The following ZHX2 variants were observed in gnomAD, a reference collection of about 807,000 sequenced individuals.
ZHX2 encodes the protein zinc fingers and homeoboxes protein 2.
A neutral mutation model predicts 21.9 loss-of-function variants in ZHX2; 6 were observed. The ratio of observed to expected loss-of-function variants is 0.27; its 90% CI spans 0.15 to 0.54. ZHX2 has a LOEUF of 0.54. Among genes scored for constraint, ZHX2 ranks in the 20% least tolerant of loss-of-function variants. The probability of loss-of-function intolerance (pLI) is 0.95; values close to 1 mark genes in which losing one functional copy is unlikely to be tolerated. For synonymous variants in ZHX2, 434 were observed against 437.1 expected (o/e 0.99, Z 0.09); for missense variants, 908 against 1,090.7 (o/e 0.83, Z 2.36).
chr8:122,928,510 G>C (rs1820908897), intron 2 of ZHX2, among the ~76,000 whole-genome samples: 2 of 152,122 alleles, frequency 1.3e-5, no homozygotes, highest in Admixed American at 6.5e-5. Flanking sequence ...TGAAAATGGG[G>C]AACCAGCATG....
At chr8:122,858,218 G>A (rs747468086) in intron 1 of ZHX2, among the ~76,000 whole-genome samples, 18 of 152,154 alleles carry the variant, frequency 1.2e-4, no homozygotes, top group Non-Finnish European at 1.6e-4. Context: ...CTGCACTCAC[G>A]CCTCTCCCTC....
chr8:122,835,500 G>A lies in ZHX2; in HGVS notation c.-282-27977G>A, dbSNP rs984908330. Among the ~76,000 whole-genome samples, 9 of 152,196 alleles carry A rather than the reference G, an allele frequency of 5.9e-5. No individual in the cohort carries two copies. In the South Asian group the frequency reaches 8.3e-4, roughly 14 times the overall value. Reference sequence around the variant, plus strand: ...CAATACTAGAATTGTCCTGAGTAGGGGACGGTGTAGGAAAAGAAGTGGATA... The same window carrying A: ...CAATACTAGAATTGTCCTGAGTAGGAGACGGTGTAGGAAAAGAAGTGGATA... On this transcript the variant is annotated intron_variant, in intron 1 of 3. Coordinates refer to ENST00000314393, the MANE Select transcript of ZHX2 (RefSeq NM_014943.5).
At chr8:122,955,122 C>A (rs1813265710) in intron 3 of ZHX2, among the ~76,000 whole-genome samples, 1 of 148,920 alleles carries the variant, frequency 6.7e-6, no homozygotes, top group Admixed American at 6.7e-5. Flanking sequence ...GCCATGTCAT[C>A]CCCATAATGG....
chr8:122,909,343 GA>G lies in ZHX2; in HGVS notation c.-219-41947del, dbSNP rs753235976. On this transcript the variant is annotated intron_variant, in intron 2 of 3. Transcript: ENST00000314393. ...AGCTACTAAGGAGGCTGAGGCAGGAGAATGGCTTGAACCCAGGAGGTGGAGG... is the reference window on the plus strand; with the variant it reads ...AGCTACTAAGGAGGCTGAGGCAGGAGATGGCTTGAACCCAGGAGGTGGAGG... Among the ~76,000 whole-genome samples the G allele has an allele frequency of 1.8e-4, 28 of 151,930 alleles. No homozygotes were observed. The East Asian group carries it at 2.5e-3, about 14-fold the overall frequency.
At chr8:122,937,445 C>T (rs1031848699) in intron 2 of ZHX2, among the ~76,000 whole-genome samples, 7 of 152,292 alleles carry the variant, frequency 4.6e-5, no homozygotes, top group Non-Finnish European at 7.3e-5. Context: ...CACTCCTTCC[C>T]CCAGTGGTGA....
At chr8:122,902,217 T>C (rs770340337) in intron 2 of ZHX2, among the ~76,000 whole-genome samples, 2 of 152,186 alleles carry the variant, frequency 1.3e-5, no homozygotes, top group Non-Finnish European at 2.9e-5. Context: ...CCTTACTCTG[T>C]GCTAGGTACT....
intron 1 of ZHX2, among the ~76,000 whole-genome samples, chr8:122,841,649 A>T (rs1818631010): frequency 6.6e-6 from 1 of 152,132 alleles, no homozygotes. Flanking sequence ...GATTGCTTTG[A>T]GGGTGTTTCA....
chr8:122,789,474 C>G (rs140261251), intron 1 of ZHX2, among the ~76,000 whole-genome samples: 4 of 152,204 alleles, frequency 2.6e-5, no homozygotes, highest in Non-Finnish European at 5.9e-5. Context: ...GCATGGCACC[C>G]TGTCTTTTTG....
chr8:122,814,388 A>G (rs985980007), intron 1 of ZHX2, among the ~76,000 whole-genome samples: 2 of 152,184 alleles, frequency 1.3e-5, no homozygotes, highest in South Asian at 4.1e-4. Context: ...GAAAAAGCAC[A>G]TATTGGTCCT....
chr8:122,907,756 CA>C (rs1001506618), intron 2 of ZHX2, among the ~76,000 whole-genome samples: 20 of 152,266 alleles, frequency 1.3e-4, no homozygotes, highest in African/African-American at 4.8e-4. Flanking sequence ...ACTGCCTCAT[CA>C]GAGCATTGTG....
chr8:122,872,830 G>A (rs967717489), intron 2 of ZHX2, among the ~76,000 whole-genome samples: 16 of 152,180 alleles, frequency 1.1e-4, no homozygotes, highest in African/African-American at 7.2e-5. Context: ...TGCAGGCGTC[G>A]TGTCTCTCCA....
At chr8:122,893,374 G>A (rs77126283) in intron 2 of ZHX2, among the ~76,000 whole-genome samples, 5,489 of 152,180 alleles carry the variant, frequency 0.036, 326 homozygotes, top group African/African-American at 0.13. Flanking sequence ...CAAGACTTGG[G>A]AAGTTTTCAT....
intron 1 of ZHX2, among the ~76,000 whole-genome samples, chr8:122,785,155 C>T (rs890837493): frequency 3.9e-5 from 6 of 152,218 alleles, no homozygotes; most frequent in Non-Finnish European, 2.9e-5. Flanking sequence ...CAGAGGATCT[C>T]CTAGAGGTGG....
intron 3 of ZHX2, among the ~76,000 whole-genome samples, chr8:122,967,178 GT>G (rs985032341): frequency 5.9e-5 from 9 of 152,180 alleles, no homozygotes; most frequent in Non-Finnish European, 1.2e-4. Context: ...GTTTGAGTCC[GT>G]TGCTAGAGAG....
At chr8:122,851,883 A>G (rs759519709) in intron 1 of ZHX2, among the ~76,000 whole-genome samples, 1 of 152,256 alleles carries the variant, frequency 6.6e-6, no homozygotes, top group Non-Finnish European at 1.5e-5. Context: ...TGAGGCAGAA[A>G]TGAAAGACTG....
chr8:122,964,046 T>C (rs762566284), intron 3 of ZHX2, among the ~76,000 whole-genome samples: 1 of 152,166 alleles, frequency 6.6e-6, no homozygotes, highest in Non-Finnish European at 1.5e-5. Context: ...AGGAGCTTTT[T>C]GGATGAGTCT....
chr8:122,881,933 C>T (rs1397405850), intron 2 of ZHX2, among the ~76,000 whole-genome samples: 1 of 152,186 alleles, frequency 6.6e-6, no homozygotes, highest in Non-Finnish European at 1.5e-5. Flanking sequence ...TGGCACTGTG[C>T]ACCCAGATTT....
intron 2 of ZHX2, among the ~76,000 whole-genome samples, chr8:122,930,933 C>T (rs956272672): frequency 6.7e-6 from 1 of 148,462 alleles, no homozygotes; most frequent in Non-Finnish European, 1.5e-5. Context: ...TCAACCAGAA[C>T]CATCCCTTTT....
intron 1 of ZHX2, among the ~76,000 whole-genome samples, chr8:122,798,990 A>G (rs992955090): frequency 2.6e-5 from 4 of 152,178 alleles, no homozygotes; most frequent in Non-Finnish European, 5.9e-5. Context: ...AAGAGAGGCA[A>G]TGGAGGCCCT....
Sources: allele counts gnomAD v4.1 joint callset (sites outside exome capture counted in the v4.1 genomes callset), GRCh38; gene constraint gnomAD v4.1.1; transcripts MANE v1.5; gene names NCBI Gene and HGNC (gene_info 2026-07-23, HGNC 2026-07-21).